The following TSPAN15 variants were observed in gnomAD, a reference collection of about 807,000 sequenced individuals.
TSPAN15 encodes tetraspanin-15.
In TSPAN15, 20 loss-of-function variants were observed where a neutral mutation model predicts 34.5. The observed-to-expected ratio is 0.58, with a 90% CI of 0.41 to 0.84. The LOEUF (loss-of-function observed/expected upper bound fraction) is 0.84, where lower values mean the gene tolerates loss of function less well. TSPAN15 is among the 40% of genes least tolerant of loss of function. The pLI, the probability that TSPAN15 is intolerant of heterozygous loss-of-function variation, is 0.00. For synonymous variants in TSPAN15, 155 were observed against 153.9 expected, an observed-to-expected ratio of 1.01 and a Z score of -0.05; for missense variants, 313 against 386.1, an observed-to-expected ratio of 0.81 and a Z score of 1.59.
At chr10:69,534,110 A>G in the TSPAN15 span, among the ~76,000 whole-genome samples, 38 of 152,344 alleles carry the variant, frequency 2.5e-4, no homozygotes, top group Admixed American at 1.2e-3. Context: ...AGAAAATTGG[A>G]TTATTATCAT....
At chr10:69,549,007 G>T in the TSPAN15 span, among the ~76,000 whole-genome samples, 5 of 151,306 alleles carry the variant, frequency 3.3e-5, no homozygotes, top group Non-Finnish European at 7.4e-5. Flanking sequence ...GATTATAGTT[G>T]TCTTTTAATG....
In TSPAN15 at chr10:69,506,013, A is replaced by G. The variant is rs1842317666; in HGVS notation, c.619-111A>G. The G allele has an allele frequency of 3.8e-6, 3 of 794,444 alleles. No individual in the cohort carries two copies. Among genetic ancestry groups the G allele is most frequent in the Non-Finnish European group, 6.3e-6 (3 of 479,736 alleles). The allele number at this position is 794,444 out of a possible 1,614,324, so 49.2% of individuals were successfully genotyped here. On this transcript the variant is annotated intron_variant, in intron 6 of 7. Coordinates refer to ENST00000373290, the MANE Select transcript of TSPAN15 (RefSeq NM_012339.5). This position sits in a 1 kb window ranked among gnomAD's most constrained non-coding sequence, Gnocchi z 4.7. ...TCATGCTGCATATGGGAAACTGAGG[A>G]TCACAGCGGTTGAGGGACTAGCCTG... is the stretch of plus-strand genomic sequence containing the variant.
intron 3 of TSPAN15, among the ~76,000 whole-genome samples, chr10:69,487,860 C>G (rs1841887103): frequency 3.3e-5 from 5 of 152,218 alleles, no homozygotes; most frequent in African/African-American, 1.2e-4. Context: ...CCTGCAGATG[C>G]TGTAGTCCGT....
Position 69,498,226 on chromosome 10 carries a change from T to C in TSPAN15, c.454-54T>C, listed in dbSNP as rs570407695. ...CCTGACAGGGCCCCTTCCTGTCGTC[T>C]GAGCAGGGCCTGGGCGATGACGGCA... is the stretch of plus-strand genomic sequence containing the variant. On this transcript the variant is annotated intron_variant, in intron 4 of 7. Coordinates refer to ENST00000373290, the MANE Select transcript of TSPAN15 (RefSeq NM_012339.5). 7 of 1,543,060 alleles carry C rather than the reference T, an allele frequency of 4.5e-6. No individual in the cohort carries two copies. The South Asian group carries it at 7.8e-5, about 17-fold the overall frequency.
At chr10:69,521,252 G>A in the TSPAN15 span, among the ~76,000 whole-genome samples, 5 of 152,064 alleles carry the variant, frequency 3.3e-5, no homozygotes, top group Admixed American at 3.3e-4. Context: ...GCTCACGCCT[G>A]TAATCCCAGC....
chr10:69,536,411 A>G, the TSPAN15 span, among the ~76,000 whole-genome samples: 8 of 152,206 alleles, frequency 5.3e-5, no homozygotes, highest in Non-Finnish European at 1.0e-4. Context: ...AGGGATGAAG[A>G]AATGGTGCCT....
At position 69,451,640 on chromosome 10, in the gene TSPAN15, T is replaced by A; in HGVS notation, c.46T>A (p.Ser16Thr). Residue 16 changes from serine to threonine, a missense_variant, in exon 1 of 8, where the codon TCC becomes ACC. Coordinates refer to ENST00000373290, the MANE Select transcript of TSPAN15 (RefSeq NM_012339.5). ...SEQVRYCARF[S>T]YLWLKFSLII... ...GCAGGTGCGCTACTGCGCGCGCTTC[T>A]CCTACCTCTGGCTCAAGTTTTCACT... is the stretch of plus-strand genomic sequence containing the variant. The A allele has an allele frequency of 6.5e-7, 1 of 1,545,596 alleles. No homozygotes were observed. The highest frequency in any genetic ancestry group is 8.7e-7 in the Non-Finnish European group (1 of 1,144,466).
the TSPAN15 span, among the ~76,000 whole-genome samples, chr10:69,544,987 C>T: frequency 1.3e-5 from 2 of 152,148 alleles, no homozygotes; most frequent in Non-Finnish European, 2.9e-5. Context: ...ACTGAACTCC[C>T]TAGCTCCGAA....
At chr10:69,505,544 A>G (rs1589656554) in intron 6 of TSPAN15, among the ~76,000 whole-genome samples, 1 of 151,578 alleles carries the variant, frequency 6.6e-6, no homozygotes, top group Admixed American at 6.6e-5. Flanking sequence ...AATTCTTTGT[A>G]TATTAAAACC....
chr10:69,549,443 G>T, the TSPAN15 span, among the ~76,000 whole-genome samples: 1 of 152,136 alleles, frequency 6.6e-6, no homozygotes, highest in Non-Finnish European at 1.5e-5. Context: ...CCACCATCTT[G>T]TCTTACCACC....
intron 1 of TSPAN15, among the ~76,000 whole-genome samples, chr10:69,475,549 C>T (rs909630922): frequency 6.6e-6 from 1 of 152,170 alleles, no homozygotes; most frequent in African/African-American, 2.4e-5. Context: ...ATCCCCACTC[C>T]CACCCTGTGC....
chr10:69,495,587 T>G lies in TSPAN15; in HGVS notation c.358-7T>G. The G allele has an allele frequency of 6.2e-7, 1 of 1,606,168 alleles. No homozygotes were observed. The highest frequency in any genetic ancestry group is 8.5e-7 in the Non-Finnish European group (1 of 1,172,780). Reference sequence around the variant, plus strand: ...TCTTTTCCTTTGTAATTTCTCCTTTTGAATAGACCATTGACTTCCTGAACG... The same window carrying G: ...TCTTTTCCTTTGTAATTTCTCCTTTGGAATAGACCATTGACTTCCTGAACG... On this transcript the variant is annotated splice_region_variant and splice_polypyrimidine_tract_variant and intron_variant, in intron 3 of 7. Coordinates refer to ENST00000373290, the MANE Select transcript of TSPAN15 (RefSeq NM_012339.5).
At chr10:69,486,908 C>T (rs1025668094) in intron 3 of TSPAN15, among the ~76,000 whole-genome samples, 2 of 152,238 alleles carry the variant, frequency 1.3e-5, no homozygotes, top group African/African-American at 4.8e-5. Context: ...TCTTTTCTAC[C>T]TGCCCCTCCC....
At chr10:69,452,189 A>G (rs12416520) in intron 1 of TSPAN15, among the ~76,000 whole-genome samples, 34,342 of 152,060 alleles carry the variant, frequency 0.23, 3,900 homozygotes, top group Non-Finnish European at 0.25. Flanking sequence ...TGGTGGATGC[A>G]CGTGCCTCCT....
intron 1 of TSPAN15, among the ~76,000 whole-genome samples, chr10:69,458,121 G>A (rs533035691): frequency 1.4e-4 from 22 of 152,224 alleles, no homozygotes; most frequent in South Asian, 8.3e-4. Context: ...CTTTCCAGGC[G>A]CCATGTATGT....
chr10:69,476,422 C>T (rs1319249963), intron 1 of TSPAN15, among the ~76,000 whole-genome samples: 1 of 151,908 alleles, frequency 6.6e-6, no homozygotes, highest in Non-Finnish European at 1.5e-5. Context: ...TTGGGCATGG[C>T]GGTTCACACC....
the TSPAN15 span, among the ~76,000 whole-genome samples, chr10:69,513,353 T>C: frequency 9.2e-5 from 14 of 152,300 alleles, no homozygotes; most frequent in Admixed American, 9.2e-4. Context: ...AAAATTTCAG[T>C]CTGTAGCTTG....
chr10:69,474,932 G>T (rs1056886563), intron 1 of TSPAN15, among the ~76,000 whole-genome samples: 6 of 152,192 alleles, frequency 3.9e-5, no homozygotes, highest in African/African-American at 1.4e-4. Context: ...TGGCTACTGA[G>T]TCAGCGGGGT....
intron 1 of TSPAN15, among the ~76,000 whole-genome samples, chr10:69,465,271 C>T (rs10823386): frequency 0.4 from 60,634 of 152,052 alleles, 12,598 homozygotes; most frequent in Non-Finnish European, 0.45. Flanking sequence ...TGGGTAGACT[C>T]ATGTTCAGAG....
Sources: allele counts gnomAD v4.1 joint callset (sites outside exome capture counted in the v4.1 genomes callset), GRCh38; gene constraint gnomAD v4.1.1; non-coding constraint Gnocchi (gnomAD v3.1); transcripts MANE v1.5; gene names NCBI Gene and HGNC (gene_info 2026-07-23, HGNC 2026-07-21).